The following RBFOX1 variants were observed in gnomAD, a reference collection of about 807,000 sequenced individuals.
RBFOX1 encodes the protein RNA binding protein fox-1 homolog 1.
RBFOX1 carries 8 observed loss-of-function variants against 57.7 expected under a neutral mutation model. The ratio of observed to expected loss-of-function variants is 0.14; its 90% CI spans 0.08 to 0.25. The LOEUF is 0.25. Among genes scored for constraint, RBFOX1 ranks in the 10% least tolerant of loss-of-function variants. The probability of loss-of-function intolerance (pLI) is 1.00; values close to 1 mark genes in which losing one functional copy is unlikely to be tolerated. For missense variants in RBFOX1, 611 were observed against 548.5 expected (o/e 1.11, Z -1.14); for synonymous variants, 326 against 222.4 (o/e 1.47, Z -4.15).
intron 14 of RBFOX1, among the ~76,000 whole-genome samples, chr16:7,707,920 G>A (rs1029655726): frequency 6.6e-6 from 1 of 152,162 alleles, no homozygotes; most frequent in African/African-American, 2.4e-5. Context: ...CAGCTTTCAA[G>A]GAAGGACGTC....
At chr16:6,328,705 C>T (rs1287934103) in intron 2 of RBFOX1, among the ~76,000 whole-genome samples, 1 of 152,030 alleles carries the variant, frequency 6.6e-6, no homozygotes, top group Non-Finnish European at 1.5e-5. Context: ...CAATAGGAAA[C>T]CATAGGTCTC....
At chr16:5,910,479 C>T (rs1345825785) in intron 4 of RBFOX1, among the ~76,000 whole-genome samples, 1 of 152,164 alleles carries the variant, frequency 6.6e-6, no homozygotes, top group Non-Finnish European at 1.5e-5. Context: ...AAAGTCTTGA[C>T]AATGGTTGGC....
At chr16:5,750,685 C>T (rs886268943) in intron 3 of RBFOX1, among the ~76,000 whole-genome samples, 2 of 152,214 alleles carry the variant, frequency 1.3e-5, no homozygotes, top group African/African-American at 4.8e-5. Context: ...GATGTAACCT[C>T]CTGGTGTGCC....
At chr16:5,506,165 C>G (rs942871756) in intron 2 of RBFOX1, among the ~76,000 whole-genome samples, 1 of 152,156 alleles carries the variant, frequency 6.6e-6, no homozygotes, top group Non-Finnish European at 1.5e-5. Flanking sequence ...ATGTGCCTGT[C>G]TTCACAGTGT....
At chr16:6,780,251 ATT>A (rs1340138620) in intron 3 of RBFOX1, among the ~76,000 whole-genome samples, 2 of 86,180 alleles carry the variant, frequency 2.3e-5, no homozygotes, top group African/African-American at 1.0e-4. Context: ...TTACATATAT[ATT>A]TATATATATA....
At chr16:6,562,154 A>G (rs781199660) in intron 2 of RBFOX1, among the ~76,000 whole-genome samples, 2 of 152,206 alleles carry the variant, frequency 1.3e-5, no homozygotes, top group Non-Finnish European at 2.9e-5. Flanking sequence ...TTCATGGGTA[A>G]GTAACATTGT....
intron 4 of RBFOX1, among the ~76,000 whole-genome samples, chr16:7,149,891 A>C (rs879447836): frequency 6.6e-6 from 1 of 151,938 alleles, no homozygotes; most frequent in Non-Finnish European, 1.5e-5. Context: ...ACCCCTACTC[A>C]CTGTCTCATC....
intron 4 of RBFOX1, among the ~76,000 whole-genome samples, chr16:7,410,228 G>A (rs1391965683): frequency 2.6e-5 from 4 of 152,186 alleles, no homozygotes; most frequent in Non-Finnish European, 5.9e-5. Context: ...GCACAGTGCT[G>A]TAGGCACTGC....
chr16:5,910,519 G>T (rs2058578952), intron 4 of RBFOX1, among the ~76,000 whole-genome samples: 1 of 150,416 alleles, frequency 6.6e-6, no homozygotes, highest in South Asian at 2.1e-4. Flanking sequence ...TGTGTAGATG[G>T]GATAGGTAGA....
intron 1 of RBFOX1, among the ~76,000 whole-genome samples, chr16:6,160,585 A>T (rs2096870943): frequency 6.6e-6 from 1 of 152,064 alleles, no homozygotes; most frequent in African/African-American, 2.4e-5. Context: ...ATCCAGCCCG[A>T]GTCATGCTTT....
chr16:6,448,009 C>T (rs1246471037), intron 2 of RBFOX1, among the ~76,000 whole-genome samples: 2 of 152,030 alleles, frequency 1.3e-5, no homozygotes, highest in Non-Finnish European at 2.9e-5. Context: ...TAACTTTAAG[C>T]ATGGTAGTTA....
intron 5 of RBFOX1, among the ~76,000 whole-genome samples, chr16:7,550,976 C>G (rs1343746327): frequency 6.6e-6 from 1 of 151,524 alleles, no homozygotes; most frequent in East Asian, 1.9e-4. Flanking sequence ...TACCTGTAAT[C>G]CCAGCTACTC....
At chr16:6,425,326 C>A (rs1235621584) in intron 2 of RBFOX1, among the ~76,000 whole-genome samples, 1 of 152,128 alleles carries the variant, frequency 6.6e-6, no homozygotes, top group African/African-American at 2.4e-5. Flanking sequence ...AGGAGGAATA[C>A]TCTAAAATCA....
At chr16:6,405,198 A>G (rs915740051) in intron 2 of RBFOX1, among the ~76,000 whole-genome samples, 1 of 152,126 alleles carries the variant, frequency 6.6e-6, no homozygotes, top group Admixed American at 6.5e-5. Flanking sequence ...TATATCTGTT[A>G]TCCTATCATA....
chr16:6,355,355 A>G (rs551771918), intron 2 of RBFOX1, among the ~76,000 whole-genome samples: 12 of 151,160 alleles, frequency 7.9e-5, no homozygotes, highest in African/African-American at 2.4e-4. Context: ...TCGTTGTTCA[A>G]CTCCCACTTA....
chr16:6,758,322 C>A (rs143274768), intron 3 of RBFOX1, among the ~76,000 whole-genome samples: 1 of 151,982 alleles, frequency 6.6e-6, no homozygotes, highest in Non-Finnish European at 1.5e-5. Context: ...TTCCCCCAAG[C>A]ATATGTAAAC....
At chr16:6,175,947 C>G (rs1332891292) in intron 1 of RBFOX1, among the ~76,000 whole-genome samples, 1 of 152,058 alleles carries the variant, frequency 6.6e-6, no homozygotes, top group African/African-American at 2.4e-5. Context: ...TGTTTGGACT[C>G]CACCCCCAGA....
At chr16:5,558,686 T>G (rs1394041588) in intron 2 of RBFOX1, among the ~76,000 whole-genome samples, 1 of 152,106 alleles carries the variant, frequency 6.6e-6, no homozygotes, top group Non-Finnish European at 1.5e-5. Context: ...GTCTCAGTCT[T>G]GTGTGGGGTG....
chr16:7,400,746 AG>A (rs1389135118), intron 4 of RBFOX1, among the ~76,000 whole-genome samples: 2 of 152,210 alleles, frequency 1.3e-5, no homozygotes, highest in Non-Finnish European at 2.9e-5. Context: ...ATCAGTCTGC[AG>A]TAATCCAGTC....
Sources: allele counts gnomAD v4.1 joint callset (sites outside exome capture counted in the v4.1 genomes callset), GRCh38; gene constraint gnomAD v4.1.1; transcripts MANE v1.5; gene names NCBI Gene and HGNC (gene_info 2026-07-23, HGNC 2026-07-21).